Variants in EML6 observed in about 807,000 individuals in gnomAD.
EML6 encodes the protein EMAP like 6, also known as echinoderm microtubule-associated protein-like 6.
EML6 carries 154 observed loss-of-function variants against 240.1 expected under a neutral mutation model. That is an observed-to-expected ratio of 0.64 (90% CI 0.56 to 0.73). The LOEUF (loss-of-function observed/expected upper bound fraction) is 0.73. Among genes scored for constraint, EML6 ranks in the 30% least tolerant of loss-of-function variants. The probability of loss-of-function intolerance (pLI) is 0.00; values close to 1 mark genes in which losing one functional copy is unlikely to be tolerated. For missense variants in EML6, 2,964 were observed against 2,474.6 expected, an observed-to-expected ratio of 1.20 and a Z score of -4.20; for synonymous variants, 1,148 against 899.0, an observed-to-expected ratio of 1.28 and a Z score of -4.95.
chr2:54,835,449 C>G (rs1669091776), intron 7 of EML6, among the ~76,000 whole-genome samples: 1 of 152,152 alleles, frequency 6.6e-6, no homozygotes, highest in Non-Finnish European at 1.5e-5. Flanking sequence ...GAACAGATAA[C>G]TTGGTTTCTT....
At chr2:54,841,932 G>T (rs1030180702) in intron 7 of EML6, among the ~76,000 whole-genome samples, 1 of 151,812 alleles carries the variant, frequency 6.6e-6, no homozygotes. Flanking sequence ...GGACAGTTTA[G>T]GTTCAGAACA....
At chr2:54,939,588 G>T (rs779146808) in intron 28 of EML6, among the ~76,000 whole-genome samples, 1 of 152,068 alleles carries the variant, frequency 6.6e-6, no homozygotes, top group Non-Finnish European at 1.5e-5. Flanking sequence ...ATTTTCAATA[G>T]CCCCCACTTG....
intron 2 of EML6, among the ~76,000 whole-genome samples, chr2:54,743,759 TTA>T (rs2103661849): frequency 6.6e-6 from 1 of 152,314 alleles, no homozygotes; most frequent in Admixed American, 6.5e-5. Flanking sequence ...TATATTTATG[TTA>T]TATACTTGTA....
intron 16 of EML6, among the ~76,000 whole-genome samples, chr2:54,874,964 G>A (rs898233457): frequency 1.3e-5 from 2 of 152,146 alleles, no homozygotes; most frequent in Non-Finnish European, 2.9e-5. Flanking sequence ...TTGTCAGCAG[G>A]CAGGAGGCAT....
At chr2:54,884,267 C>G (rs925885835) in intron 17 of EML6, among the ~76,000 whole-genome samples, 6 of 152,038 alleles carry the variant, frequency 3.9e-5, no homozygotes, top group African/African-American at 1.5e-4. Flanking sequence ...GGGCAAGGCA[C>G]GTAGGAAGGG....
At chr2:54,734,922 G>T (rs556052625) in intron 2 of EML6, among the ~76,000 whole-genome samples, 1 of 152,226 alleles carries the variant, frequency 6.6e-6, no homozygotes, top group Admixed American at 6.5e-5. Context: ...TGTTCTCCAC[G>T]GTCTATTATG....
chr2:54,947,070 C>G (rs747474192), intron 28 of EML6, among the ~76,000 whole-genome samples: 1 of 152,036 alleles, frequency 6.6e-6, no homozygotes, highest in African/African-American at 2.4e-5. Context: ...CCCCTGAAAT[C>G]GAGCCCTGTG....
chr2:54,969,357 G>A (rs1558737447), intron 41 of EML6, among the ~76,000 whole-genome samples: 1 of 152,140 alleles, frequency 6.6e-6, no homozygotes, highest in Non-Finnish European at 1.5e-5. Flanking sequence ...ATACTTCCTG[G>A]TGGTCTGAGT....
chr2:54,745,078 G>A (rs1683855452), intron 2 of EML6, among the ~76,000 whole-genome samples: 1 of 152,130 alleles, frequency 6.6e-6, no homozygotes, highest in Non-Finnish European at 1.5e-5. Flanking sequence ...CAAGAGAAGG[G>A]ATGCTGGAGG....
At chr2:54,795,900 T>G (rs559213952) in intron 2 of EML6, among the ~76,000 whole-genome samples, 1 of 152,324 alleles carries the variant, frequency 6.6e-6, no homozygotes, top group Non-Finnish European at 1.5e-5. Context: ...AAAAGCTGCT[T>G]CTGTGGAATT....
intron 28 of EML6, among the ~76,000 whole-genome samples, chr2:54,935,509 A>T (rs775545630): frequency 5.9e-5 from 9 of 152,234 alleles, no homozygotes; most frequent in Non-Finnish European, 1.3e-4. Context: ...GCAAAAATTC[A>T]ACCAAATCAA....
At chr2:54,803,972 C>T (rs949659554) in intron 2 of EML6, among the ~76,000 whole-genome samples, 65 of 152,284 alleles carry the variant, frequency 4.3e-4, no homozygotes, top group Middle Eastern at 3.4e-3. Flanking sequence ...AATGATAGGC[C>T]ATTTAATGCA....
chr2:54,957,792 G>C lies in EML6; in HGVS notation c.4489G>C (p.Ala1497Pro). 6.5e-7 allele frequency: 1 copy of C among 1,549,758 alleles called. No homozygotes were observed. The change falls in exon 33 of 42, where the codon GCC (alanine) becomes CCC (proline). Residue 1497 changes from alanine (A) to proline (P), a missense_variant and splice_region_variant. By Grantham distance (27) the Ala-to-Pro change is conservative (BLOSUM62 -1). Coordinates refer to ENST00000356458, the MANE Select transcript of EML6 (RefSeq NM_001039753.4). ...ACTGGACTCTGTCACCCACACAGGT[G>C]CCAAGGTTGCCAGCCGAGGGGGTCA... ...TITVWRWQEGAKVASRGGHLE... is the reference protein window; with the variant it reads ...TITVWRWQEGPKVASRGGHLE...
chr2:54,794,292 T>C (rs2103926147), intron 2 of EML6, among the ~76,000 whole-genome samples: 1 of 152,322 alleles, frequency 6.6e-6, no homozygotes, highest in East Asian at 1.9e-4. Context: ...TCCCTGTTAA[T>C]GTAGGTCACT....
intron 2 of EML6, 117 bp from the exon 3 acceptor site, chr2:54,813,115 G>C: frequency 2.7e-6 from 2 of 733,066 alleles, no homozygotes; most frequent in African/African-American, 1.8e-5. Context: ...GGACAGTTCA[G>C]ACTCTTTCTC....
chr2:54,847,417 T>C, intron 8 of EML6, 69 bp from the exon 9 acceptor site: 1 of 1,507,602 alleles, frequency 6.6e-7, no homozygotes, highest in Non-Finnish European at 8.9e-7. Context: ...GCAGCCCTTC[T>C]TGCCTTGGGC....
chr2:54,889,232 C>G (rs1042493349), intron 17 of EML6, among the ~76,000 whole-genome samples: 6 of 152,074 alleles, frequency 3.9e-5, no homozygotes, highest in African/African-American at 1.2e-4. Context: ...GAGAGCTACT[C>G]TCTGCACTCT....
rs546331844 is a variant in EML6 at position 54,845,601 on chromosome 2, C to T, written c.1049+1353C>T. On this transcript the variant is annotated intron_variant, in intron 8 of 41. Coordinates refer to ENST00000356458, the MANE Select transcript of EML6 (RefSeq NM_001039753.4). ...CATAGTGACTTCAGAGGGATAGTAC[C>T]ATTTACTGAGGAGTGATGGTTTCTT... Among the ~76,000 whole-genome samples, 8 of 152,194 alleles carry T rather than the reference C, an allele frequency of 5.3e-5. 2 individuals are homozygous for T. Among genetic ancestry groups the T allele is most frequent in the African/African-American group, 1.9e-4 (8 of 41,528 alleles).
At chr2:54,919,246 C>A (rs35213851) in intron 26 of EML6, among the ~76,000 whole-genome samples, 5 of 136,520 alleles carry the variant, frequency 3.7e-5, no homozygotes, top group South Asian at 2.9e-4. Flanking sequence ...TTTGCTTCCC[C>A]CCCCCCCCAA....
Sources: allele counts gnomAD v4.1 joint callset (sites outside exome capture counted in the v4.1 genomes callset), GRCh38; gene constraint gnomAD v4.1.1; transcripts MANE v1.5; gene names NCBI Gene and HGNC (gene_info 2026-07-23, HGNC 2026-07-21).